PTPRD: variants seen among roughly 807,000 people sequenced by gnomAD.
The protein encoded by PTPRD is receptor-type tyrosine-protein phosphatase delta.
PTPRD carries 34 observed loss-of-function variants against 214.5 expected under a neutral mutation model. The observed-to-expected ratio is 0.16, with a 90% CI of 0.12 to 0.21. The LOEUF is 0.21. PTPRD is among the 10% of genes least tolerant of loss of function. The pLI is 1.00. For missense variants in PTPRD, 2,545 were observed against 2,398.7 expected, an observed-to-expected ratio of 1.06 and a Z score of -1.27; for synonymous variants, 1,128 against 845.7, an observed-to-expected ratio of 1.33 and a Z score of -5.79.
At chr9:8,770,354 AC>A (rs1235059196) in intron 11 of PTPRD, among the ~76,000 whole-genome samples, 2 of 152,034 alleles carry the variant, frequency 1.3e-5, no homozygotes, top group African/African-American at 2.4e-5. Context: ...AAAAAAAAAA[AC>A]ACGATCCACT....
chr9:9,971,248 G>C (rs1441961475), intron 4 of PTPRD, among the ~76,000 whole-genome samples: 3 of 152,102 alleles, frequency 2.0e-5, no homozygotes, highest in African/African-American at 7.2e-5. Flanking sequence ...AGTCTGAGTG[G>C]TTATCAAAAG....
At chr9:9,328,020 G>C (rs1055057476) in intron 9 of PTPRD, among the ~76,000 whole-genome samples, 36 of 152,098 alleles carry the variant, frequency 2.4e-4, no homozygotes, top group African/African-American at 7.0e-4. Context: ...CCATGGACTG[G>C]ACAAGCTTGA....
Position 8,340,450 on chromosome 9 carries a change from C to T in PTPRD, c.5146G>A (p.Ala1716Thr), listed in dbSNP as rs200354236. ...GTCTCTGCCAAGGGCCCCTGGGTAG[C>T]GATGTAGGCTTTCTGTTGTCTGAAT... is the stretch of plus-strand genomic sequence containing the variant. ...DGYRQQKAYIATQGPLAETTE... is the reference protein window; with the variant it reads ...DGYRQQKAYITTQGPLAETTE... The change falls in exon 42 of 46, where the codon GCT (alanine) becomes ACT (threonine). Residue 1716 changes from alanine to threonine, a missense_variant. Ala to Thr is a moderately conservative substitution (Grantham distance 58). Transcript: ENST00000381196. 15 of 1,596,864 alleles carry T rather than the reference C, an allele frequency of 9.4e-6. No individual in the cohort carries two copies. The highest frequency in any genetic ancestry group is 4.5e-5 in the East Asian group (2 of 44,746).
intron 2 of PTPRD, among the ~76,000 whole-genome samples, chr9:10,352,177 G>A (rs1232553868): frequency 6.6e-6 from 1 of 151,928 alleles, no homozygotes; most frequent in East Asian, 1.9e-4. Context: ...ACTAAATTGA[G>A]TTTTCTTCAC....
At chr9:8,805,675 T>G (rs2096662269) in intron 11 of PTPRD, among the ~76,000 whole-genome samples, 1 of 150,842 alleles carries the variant, frequency 6.6e-6, no homozygotes, top group Non-Finnish European at 1.5e-5. Flanking sequence ...CAATCTCGGC[T>G]CACAGCAACC....
chr9:8,991,732 C>T (rs1336946010), intron 11 of PTPRD, among the ~76,000 whole-genome samples: 4 of 151,930 alleles, frequency 2.6e-5, no homozygotes, highest in African/African-American at 9.7e-5. Context: ...GTAAGTTTGC[C>T]CTGTCCATCA....
intron 8 of PTPRD, among the ~76,000 whole-genome samples, chr9:9,493,824 A>G (rs568753856): frequency 1.3e-5 from 2 of 151,944 alleles, no homozygotes. Context: ...AAGAAAAGAA[A>G]AGAAATACAT....
intron 2 of PTPRD, among the ~76,000 whole-genome samples, chr9:10,487,319 T>A (rs1244783927): frequency 6.6e-6 from 1 of 152,194 alleles, no homozygotes; most frequent in African/African-American, 2.4e-5. Context: ...AGGAAGGACT[T>A]ACTCCTGCCA....
chr9:10,096,760 A>T (rs1469304934), intron 3 of PTPRD, among the ~76,000 whole-genome samples: 1 of 151,858 alleles, frequency 6.6e-6, no homozygotes, highest in African/African-American at 2.4e-5. Context: ...CCCATTTATC[A>T]ATTTTGGCTT....
At chr9:9,899,739 T>C (rs2075933062) in intron 5 of PTPRD, among the ~76,000 whole-genome samples, 2 of 152,014 alleles carry the variant, frequency 1.3e-5, no homozygotes, top group Admixed American at 6.6e-5. Context: ...GTGGAAGAGA[T>C]ATCTGCACTT....
chr9:8,655,420 A>T (rs2096889941), intron 12 of PTPRD, among the ~76,000 whole-genome samples: 1 of 152,194 alleles, frequency 6.6e-6, no homozygotes, highest in South Asian at 2.1e-4. Flanking sequence ...GCAACAACAT[A>T]ATTTGTTTTT....
chr9:8,912,343 T>C (rs898091874), intron 11 of PTPRD, among the ~76,000 whole-genome samples: 5 of 152,138 alleles, frequency 3.3e-5, no homozygotes, highest in African/African-American at 9.7e-5. Context: ...AAACCATTGA[T>C]AAACCCTAAA....
At chr9:9,020,577 G>A (rs1449229697) in intron 10 of PTPRD, among the ~76,000 whole-genome samples, 1 of 152,126 alleles carries the variant, frequency 6.6e-6, no homozygotes, top group Non-Finnish European at 1.5e-5. Context: ...GAGTGCACGT[G>A]CTGCCATTTT....
intron 11 of PTPRD, among the ~76,000 whole-genome samples, chr9:8,738,037 G>A (rs532332131): frequency 5.9e-5 from 9 of 152,076 alleles, no homozygotes; most frequent in Middle Eastern, 3.4e-3. Context: ...ATAACTCCCC[G>A]GTTTCTTATT....
intron 14 of PTPRD, among the ~76,000 whole-genome samples, chr9:8,566,977 T>G (rs1041071845): frequency 3.9e-5 from 6 of 152,174 alleles, no homozygotes; most frequent in African/African-American, 1.4e-4. Flanking sequence ...TTTTGCAAGG[T>G]ATGTTTCTTA....
intron 4 of PTPRD, among the ~76,000 whole-genome samples, chr9:9,975,023 T>G (rs1303131695): frequency 6.6e-6 from 1 of 151,268 alleles, no homozygotes; most frequent in Non-Finnish European, 1.5e-5. Context: ...TGCTCAAAAT[T>G]TGAGATTTTC....
chr9:8,872,400 C>T (rs1388458466), intron 11 of PTPRD, among the ~76,000 whole-genome samples: 1 of 152,206 alleles, frequency 6.6e-6, no homozygotes, highest in Non-Finnish European at 1.5e-5. Flanking sequence ...GTTGTTCTCT[C>T]ACATGATTGA....
chr9:9,868,341 A>G (rs530375779), intron 5 of PTPRD, among the ~76,000 whole-genome samples: 2 of 152,302 alleles, frequency 1.3e-5, no homozygotes, highest in South Asian at 4.1e-4. Flanking sequence ...AATTAAATAC[A>G]GTCCAAAATG....
intron 2 of PTPRD, among the ~76,000 whole-genome samples, chr9:10,360,042 A>G (rs2097348450): frequency 6.6e-6 from 1 of 152,218 alleles, no homozygotes; most frequent in Non-Finnish European, 1.5e-5. Flanking sequence ...CTATTAGTTC[A>G]CGTTAGGCTT....
Sources: gnomAD v4.1 joint callset for allele counts (sites outside exome capture counted in the v4.1 genomes callset) on GRCh38, gnomAD v4.1.1 for gene constraint, MANE v1.5 for transcripts, NCBI Gene and HGNC (gene_info 2026-07-23, HGNC 2026-07-21) for gene names.